The following FBN2 variants were observed in gnomAD, a reference collection of about 807,000 sequenced individuals.
FBN2 encodes fibrillin 2, also known as fibrillin-2.
A neutral mutation model predicts 355.6 loss-of-function variants in FBN2; 105 were observed. The ratio of observed to expected loss-of-function variants is 0.30; its 90% CI spans 0.25 to 0.35. FBN2 has a LOEUF of 0.35. Among genes scored for constraint, FBN2 ranks in the 10% least tolerant of loss-of-function variants. The pLI, the probability that FBN2 is intolerant of heterozygous loss-of-function variation, is 1.00. For synonymous variants in FBN2, 1,350 were observed against 1,301.2 expected, an observed-to-expected ratio of 1.04 and a Z score of -0.81; for missense variants, 3,280 against 3,758.7, an observed-to-expected ratio of 0.87 and a Z score of 3.33.
At chr5:128,511,451 A>C (rs1422681758) in intron 5 of FBN2, among the ~76,000 whole-genome samples, 1 of 152,196 alleles carries the variant, frequency 6.6e-6, no homozygotes, top group African/African-American at 2.4e-5. Context: ...CTCTGTGAAC[A>C]TTCAAGGACC....
chr5:128,444,932 G>C lies in FBN2; in HGVS notation c.952+1549C>G, dbSNP rs577576522. Reference sequence around the variant, plus strand: ...AGATATTAGTCCAGAAGTAAAAAGTGAAAGGGAGTGAGAAAAGTTTGAGCA... The same window carrying C: ...AGATATTAGTCCAGAAGTAAAAAGTCAAAGGGAGTGAGAAAAGTTTGAGCA... On this transcript the variant is annotated intron_variant, in intron 7 of 64. Transcript: ENST00000262464. 2.1e-4 allele frequency among the ~76,000 whole-genome samples: 32 copies of C among 152,230 alleles called. 1 individual carries two copies. In the South Asian group the frequency reaches 5.2e-3, roughly 25 times the overall value.
At chr5:128,401,516 C>T (rs927705915) in intron 8 of FBN2, among the ~76,000 whole-genome samples, 16 of 152,134 alleles carry the variant, frequency 1.1e-4, no homozygotes, top group African/African-American at 3.9e-4. Context: ...GGCACAGTGG[C>T]TCACACCTGT....
chr5:128,307,600 T>C (rs957052471), intron 41 of FBN2, among the ~76,000 whole-genome samples: 8 of 149,448 alleles, frequency 5.4e-5, no homozygotes, highest in African/African-American at 1.7e-4. Flanking sequence ...CACAAAGGTA[T>C]AGACATGCAA....
intron 22 of FBN2, 152 bp from the exon 23 acceptor site, chr5:128,349,624 C>G: frequency 9.9e-7 from 1 of 1,008,278 alleles, no homozygotes; most frequent in Non-Finnish European, 1.5e-6. Context: ...ACCGAGCCAC[C>G]CGCTTTCCTA....
chr5:128,495,455 T>G (rs1397647151), intron 5 of FBN2, among the ~76,000 whole-genome samples: 1 of 152,002 alleles, frequency 6.6e-6, no homozygotes, highest in African/African-American at 2.4e-5. Flanking sequence ...CTCCAAGAAG[T>G]TTAACAAAGT....
chr5:128,345,652 C>T (rs764066956), intron 23 of FBN2, 68 bp from the exon 24 acceptor site: 243 of 1,409,072 alleles, frequency 1.7e-4, no homozygotes, highest in South Asian at 2.5e-4. Flanking sequence ...ACATGTCAAG[C>T]GTCTGCTCAG....
intron 11 of FBN2, among the ~76,000 whole-genome samples, chr5:128,385,881 G>T (rs925304643): frequency 6.6e-6 from 1 of 151,798 alleles, no homozygotes; most frequent in African/African-American, 2.4e-5. Flanking sequence ...ATTATTTAAT[G>T]AGATTTTTTT....
chr5:128,298,522 G>A (rs1238514743), intron 48 of FBN2, among the ~76,000 whole-genome samples: 4 of 151,888 alleles, frequency 2.6e-5, no homozygotes, highest in Admixed American at 2.6e-4. Context: ...ATTTCTTGGA[G>A]GCTTTGCTCA....
Position 128,261,792 on chromosome 5 carries a change from A to C in FBN2, c.8308T>G (p.Tyr2770Asp), listed in dbSNP as rs772952881. 4 of 1,614,086 alleles carry C rather than the reference A, an allele frequency of 2.5e-6. No homozygotes were observed. The African/African-American group carries it at 5.3e-5, about 22-fold the overall frequency. ...EACYECKING[Y>D]SKKDSRQKRS... ...TTCTGCCTGCTGTCTTTCTTAGAAT[A>C]GCCGTTGATTTTGCACTCGTAGCAT... Residue 2770 changes from tyrosine (Y) to aspartate (D), a missense_variant, in exon 64 of 65, where the codon TAT becomes GAT. Physicochemically the swap from Tyr to Asp is radical, Grantham distance 160. Transcript: ENST00000262464.
chr5:128,412,433 T>C (rs1287780898), intron 7 of FBN2, among the ~76,000 whole-genome samples: 1 of 152,234 alleles, frequency 6.6e-6, no homozygotes, highest in Non-Finnish European at 1.5e-5. Context: ...ATCATCCCTT[T>C]TGTCCTAATT....
At chr5:128,435,251 G>T (rs1387282660) in intron 7 of FBN2, among the ~76,000 whole-genome samples, 1 of 152,098 alleles carries the variant, frequency 6.6e-6, no homozygotes, top group Non-Finnish European at 1.5e-5. Flanking sequence ...GGATACCCTA[G>T]TTCCACATTT....
intron 11 of FBN2, among the ~76,000 whole-genome samples, chr5:128,383,071 A>G (rs986567352): frequency 6.6e-6 from 1 of 152,130 alleles, no homozygotes; most frequent in African/African-American, 2.4e-5. Context: ...AGTGAATATC[A>G]TAACTATTTC....
At chr5:128,535,918 C>T (rs73346354) in intron 2 of FBN2, among the ~76,000 whole-genome samples, 1 of 151,596 alleles carries the variant, frequency 6.6e-6, no homozygotes, top group Non-Finnish European at 1.5e-5. Flanking sequence ...CCTTTCGTAT[C>T]TAGGTTATGT....
chr5:128,278,028 C>T (rs375822966), intron 57 of FBN2, 23 bp from the exon 58 acceptor site: 9 of 1,613,276 alleles, frequency 5.6e-6, no homozygotes, highest in Non-Finnish European at 7.6e-6. Flanking sequence ...ACAACAAAAA[C>T]AATCAGGAGT....
intron 6 of FBN2, among the ~76,000 whole-genome samples, chr5:128,450,782 G>A (rs1019705249): frequency 6.6e-6 from 1 of 152,020 alleles, no homozygotes; most frequent in East Asian, 1.9e-4. Context: ...AATAAACACT[G>A]TATATAAAAA....
chr5:128,502,194 C>G (rs1755837103), intron 5 of FBN2, among the ~76,000 whole-genome samples: 1 of 149,866 alleles, frequency 6.7e-6, no homozygotes, highest in East Asian at 2.0e-4. Flanking sequence ...ACAAACAGCT[C>G]AAAGAAACAA....
At chr5:128,334,904 T>G (rs1227755288) in intron 30 of FBN2, 60 bp from the exon 31 acceptor site, 1 of 1,434,280 alleles carries the variant, frequency 7.0e-7, no homozygotes, top group Non-Finnish European at 9.8e-7. Flanking sequence ...AAAAGCTATC[T>G]TCTACACTGA....
At chr5:128,436,898 T>C (rs1411241609) in intron 7 of FBN2, among the ~76,000 whole-genome samples, 5 of 152,114 alleles carry the variant, frequency 3.3e-5, no homozygotes, top group Non-Finnish European at 7.4e-5. Context: ...GAGATGTAGA[T>C]CACTCACCCT....
Position 128,446,567 on chromosome 5 carries a change from C to T in FBN2, c.866G>A (p.Gly289Glu), listed in dbSNP as rs1754069364. Residue 289 changes from glycine (G) to glutamate (E), a missense_variant, in exon 7 of 65, where the codon GGA becomes GAA. Around this residue, in one of 6 missense-constraint regions of FBN2, gnomAD observed 343 missense variants for 331.0 expected, o/e 1.04. Transcript: ENST00000262464. ...ECQAIPGICQGGNCINTVGSF... is the reference protein window; with the variant it reads ...ECQAIPGICQEGNCINTVGSF... ...GCCCACTGTATTGATACAGTTTCCT[C>T]CTTGGCATATCCCTGGGATAGCCTG... 6.2e-7 allele frequency: 1 copy of T among 1,613,876 alleles called. No individual in the cohort carries two copies. Among genetic ancestry groups the T allele is most frequent in the Admixed American group, 1.7e-5 (1 of 60,024 alleles).
Sources: allele counts gnomAD v4.1 joint callset (sites outside exome capture counted in the v4.1 genomes callset), GRCh38; gene constraint gnomAD v4.1.1; regional missense constraint gnomAD v4.1.1; transcripts MANE v1.5; gene names NCBI Gene and HGNC (gene_info 2026-07-23, HGNC 2026-07-21).